THSD7B: variants seen among roughly 807,000 people sequenced by gnomAD.
THSD7B encodes the protein thrombospondin type-1 domain-containing protein 7B.
In THSD7B, 138 loss-of-function variants were observed where a neutral mutation model predicts 213.6. That is an observed-to-expected ratio of 0.65 (90% CI 0.56 to 0.74). THSD7B has a LOEUF of 0.74. Among genes scored for constraint, THSD7B ranks in the 30% least tolerant of loss-of-function variants. The pLI is 0.00. For synonymous variants in THSD7B, 742 were observed against 687.0 expected (o/e 1.08, Z -1.25); for missense variants, 1,931 against 1,991.5 (o/e 0.97, Z 0.58).
In THSD7B at chr2:137,170,758, C is replaced by T. The variant is rs561914228; in HGVS notation, c.1543C>T (p.Arg515Cys). ...CTTTTTAGGATTTAGAACGAGGCAG[C>T]GCCATGTCCTCATGGAATCTACAGG... ...QGKKGFRTRQ[R>C]HVLMESTGPA... is the part of the protein sequence containing the mutation. The change falls in exon 7 of 28, where the codon CGC becomes TGC. Residue 515 changes from arginine to cysteine, a missense_variant. By Grantham distance (180) the Arg-to-Cys change is radical. Transcript: ENST00000409968. 16 of 1,613,194 alleles carry T rather than the reference C, an allele frequency of 9.9e-6. No homozygotes were observed. Among genetic ancestry groups the T allele is most frequent in the Admixed American group, 1.7e-5 (1 of 59,972 alleles).
chr2:137,236,482 C>T (rs925000220), intron 9 of THSD7B, among the ~76,000 whole-genome samples: 7 of 152,078 alleles, frequency 4.6e-5, no homozygotes, highest in Admixed American at 2.6e-4. Context: ...AAGTTGTGTT[C>T]GGTTTTGTTT....
At chr2:136,783,572 G>T (rs1488796106) in intron 1 of THSD7B, among the ~76,000 whole-genome samples, 3 of 152,056 alleles carry the variant, frequency 2.0e-5, no homozygotes, top group Non-Finnish European at 4.4e-5. Context: ...GAACCCTGAA[G>T]GAGTCACAGC....
chr2:137,098,916 G>A (rs1281640186), intron 4 of THSD7B, among the ~76,000 whole-genome samples: 2 of 152,184 alleles, frequency 1.3e-5, no homozygotes, highest in East Asian at 1.9e-4. Flanking sequence ...GACAGAGACA[G>A]TTTATGTTAT....
chr2:137,443,012 A>T (rs1332127638), intron 14 of THSD7B, among the ~76,000 whole-genome samples: 1 of 152,168 alleles, frequency 6.6e-6, no homozygotes, highest in Non-Finnish European at 1.5e-5. Flanking sequence ...AGTCACTTTA[A>T]TTTTAACAGC....
chr2:136,869,085 T>G, intron 1 of THSD7B, among the ~76,000 whole-genome samples: 1 of 152,218 alleles, frequency 6.6e-6, no homozygotes, highest in East Asian at 1.9e-4. Context: ...TAACTTCCTT[T>G]TTTTATAATT....
Position 137,544,727 on chromosome 2 carries a change from T to A in THSD7B, c.3139-18494T>A, listed in dbSNP as rs1219763578. Among the ~76,000 whole-genome samples, 3 of 151,936 alleles carry A rather than the reference T, an allele frequency of 2.0e-5. No homozygotes were observed. In the East Asian group the frequency reaches 5.8e-4, roughly 30 times the overall value. The stretch of plus-strand genomic sequence containing the variant: ...CAATACCTTGTAGTCTACCTTTATA[T>A]AGTGATTTATAAATAGTTAATGGCT... On this transcript the variant is annotated intron_variant, in intron 15 of 27. Transcript: ENST00000409968.
intron 15 of THSD7B, among the ~76,000 whole-genome samples, chr2:137,512,538 C>T (rs564958545): frequency 4.0e-4 from 60 of 151,608 alleles, no homozygotes; most frequent in Middle Eastern, 3.4e-3. Context: ...ACCACAGGCA[C>T]GCACCACCAC....
intron 16 of THSD7B, among the ~76,000 whole-genome samples, chr2:137,569,397 A>G (rs1399420413): frequency 1.3e-5 from 2 of 152,144 alleles, no homozygotes; most frequent in African/African-American, 4.8e-5. Flanking sequence ...CATTAAGTGC[A>G]CCAGCTGTTC....
At chr2:137,563,021 T>G (rs1681154845) in intron 15 of THSD7B, among the ~76,000 whole-genome samples, 200 bp from the exon 16 acceptor site, 1 of 152,178 alleles carries the variant, frequency 6.6e-6, no homozygotes. Context: ...TTTTAGTTGA[T>G]TTCCCCTGTA....
chr2:137,369,515 G>T (rs1685497173), intron 12 of THSD7B, among the ~76,000 whole-genome samples: 1 of 152,138 alleles, frequency 6.6e-6, no homozygotes, highest in African/African-American at 2.4e-5. Flanking sequence ...GAAGAACATG[G>T]AAATTAAATC....
chr2:137,640,705 T>C (rs1476840891), intron 20 of THSD7B, among the ~76,000 whole-genome samples: 1 of 152,244 alleles, frequency 6.6e-6, no homozygotes, highest in Non-Finnish European at 1.5e-5. Flanking sequence ...TCCATGCATA[T>C]GAAGTGTTGA....
intron 7 of THSD7B, among the ~76,000 whole-genome samples, chr2:137,208,735 A>C (rs6758417): frequency 0.59 from 90,219 of 151,764 alleles, 27,212 homozygotes; most frequent in South Asian, 0.71. Flanking sequence ...ATTGTCCTCA[A>C]GCACTGAGTC....
intron 13 of THSD7B, among the ~76,000 whole-genome samples, chr2:137,410,743 T>C (rs1472351563): frequency 6.6e-6 from 1 of 152,216 alleles, no homozygotes; most frequent in South Asian, 2.1e-4. Flanking sequence ...AATAGACCAA[T>C]AAAACTGCCT....
At chr2:137,079,716 T>C (rs1299907100) in intron 3 of THSD7B, among the ~76,000 whole-genome samples, 1 of 152,254 alleles carries the variant, frequency 6.6e-6, no homozygotes, top group Non-Finnish European at 1.5e-5. Flanking sequence ...TTTACTTTTA[T>C]TGATATGACA....
At chr2:137,511,704 G>A (rs1384599349) in intron 15 of THSD7B, among the ~76,000 whole-genome samples, 3 of 152,128 alleles carry the variant, frequency 2.0e-5, no homozygotes, top group Non-Finnish European at 4.4e-5. Flanking sequence ...CTGTTTGTTG[G>A]TTGGTAAATA....
chr2:137,172,648 G>A (rs989413951), intron 7 of THSD7B, among the ~76,000 whole-genome samples: 1 of 152,120 alleles, frequency 6.6e-6, no homozygotes, highest in Non-Finnish European at 1.5e-5. Flanking sequence ...GTTTCCCTGA[G>A]TTCTGTAATA....
At chr2:136,927,238 G>GT (rs1684551166) in intron 2 of THSD7B, among the ~76,000 whole-genome samples, 3 of 147,448 alleles carry the variant, frequency 2.0e-5, no homozygotes, top group South Asian at 4.4e-4. Context: ...TCTCCCTCCC[G>GT]TTTTTCCCTT....
At chr2:137,295,405 A>G (rs1683438492) in intron 12 of THSD7B, among the ~76,000 whole-genome samples, 1 of 152,058 alleles carries the variant, frequency 6.6e-6, no homozygotes, top group African/African-American at 2.4e-5. Flanking sequence ...TTTGCTGCAT[A>G]TTATGCCTTC....
At chr2:136,973,904 T>C (rs1685441378) in intron 2 of THSD7B, among the ~76,000 whole-genome samples, 1 of 152,232 alleles carries the variant, frequency 6.6e-6, no homozygotes. Context: ...AAAACTAAAC[T>C]ATCATGCGAT....
Sources: gnomAD v4.1 joint callset for allele counts (sites outside exome capture counted in the v4.1 genomes callset) on GRCh38, gnomAD v4.1.1 for gene constraint, MANE v1.5 for transcripts, NCBI Gene and HGNC (gene_info 2026-07-23, HGNC 2026-07-21) for gene names.